Variants in GTF2F2 observed in about 807,000 individuals in gnomAD.
GTF2F2 encodes general transcription factor IIF subunit 2, also known as ATP-dependent helicase GTF2F2.
A neutral mutation model predicts 42.2 loss-of-function variants in GTF2F2; 23 were observed. The observed-to-expected ratio is 0.55, with a 90% CI of 0.39 to 0.77. The LOEUF is 0.77. Among genes scored for constraint, GTF2F2 ranks in the 30% least tolerant of loss-of-function variants. The probability of loss-of-function intolerance (pLI) is 0.00; values close to 1 mark genes in which losing one functional copy is unlikely to be tolerated. For missense variants in GTF2F2, 261 were observed against 287.2 expected (o/e 0.91, Z 0.66); for synonymous variants, 105 against 100.8 (o/e 1.04, Z -0.25).
At chr13:45,199,212 G>C (rs953874347) in intron 4 of GTF2F2, among the ~76,000 whole-genome samples, 4 of 152,186 alleles carry the variant, frequency 2.6e-5, no homozygotes, top group Non-Finnish European at 5.9e-5. Flanking sequence ...GTGTTGAACT[G>C]CGTCTTCAAG....
At chr13:45,235,892 A>G (rs572209783) in intron 5 of GTF2F2, among the ~76,000 whole-genome samples, 111 of 152,294 alleles carry the variant, frequency 7.3e-4, no homozygotes, top group African/African-American at 2.5e-3. Context: ...GGGATGAGCC[A>G]CCGCACATGG....
At chr13:45,124,935 C>T (rs372236675) in intron 1 of GTF2F2, among the ~76,000 whole-genome samples, 149 of 152,338 alleles carry the variant, frequency 9.8e-4, no homozygotes, top group African/African-American at 3.4e-3. Flanking sequence ...CCACCTTGGC[C>T]TCCCAAAGTG....
chr13:45,208,037 T>C (rs952997196), intron 5 of GTF2F2, among the ~76,000 whole-genome samples: 1 of 151,708 alleles, frequency 6.6e-6, no homozygotes, highest in Non-Finnish European at 1.5e-5. Context: ...GGTGTGAGGA[T>C]TGCTTGGGCC....
At chr13:45,272,876 C>T (rs1876858079) in intron 7 of GTF2F2, among the ~76,000 whole-genome samples, 1 of 150,962 alleles carries the variant, frequency 6.6e-6, no homozygotes, top group African/African-American at 2.4e-5. Flanking sequence ...CCACCTCAGC[C>T]TCTTGAGTAG....
At chr13:45,181,272 T>C (rs1872158327) in intron 4 of GTF2F2, among the ~76,000 whole-genome samples, 1 of 151,860 alleles carries the variant, frequency 6.6e-6, no homozygotes, top group Non-Finnish European at 1.5e-5. Context: ...CCTCTCTTCT[T>C]CTTCTTGCTG....
At chr13:45,276,486 G>A (rs1877041155) in intron 7 of GTF2F2, among the ~76,000 whole-genome samples, 1 of 151,588 alleles carries the variant, frequency 6.6e-6, no homozygotes, top group Non-Finnish European at 1.5e-5. Flanking sequence ...ACCCATCCTG[G>A]GGTGCAATGG....
chr13:45,213,388 G>A (rs1007560158), intron 5 of GTF2F2, among the ~76,000 whole-genome samples: 1 of 152,000 alleles, frequency 6.6e-6, no homozygotes, highest in African/African-American at 2.4e-5. Flanking sequence ...CTTCTACCTA[G>A]GATTTCTTAT....
At position 45,284,757 on chromosome 13, in the gene GTF2F2, ATATC is replaced by A. The variant is rs1339953028; in HGVS notation, c.*1201_*1204del. 1 of 152,232 alleles carries A rather than the reference ATATC, an allele frequency of 6.6e-6. No individual in the cohort carries two copies. Among genetic ancestry groups the A allele is most frequent in the Non-Finnish European group, 1.5e-5 (1 of 68,036 alleles). 9.4% of individuals were successfully genotyped at this position (152,232 alleles called of 1,614,324 possible). On this transcript the variant is annotated 3_prime_UTR_variant, in exon 8 of 8. Coordinates refer to ENST00000340473, the MANE Select transcript of GTF2F2 (RefSeq NM_004128.3). ...AATATTATATAATTAAAGCAAGAAG[ATATC>A]TATCCATTGAGAAAAACAATTTTTA... is the stretch of plus-strand genomic sequence containing the variant.
intron 6 of GTF2F2, among the ~76,000 whole-genome samples, chr13:45,259,751 G>A (rs945761465): frequency 3.5e-5 from 5 of 143,284 alleles, no homozygotes; most frequent in Admixed American, 1.5e-4. Context: ...TCCGCCTCCC[G>A]GATTCATGCC....
intron 1 of GTF2F2, among the ~76,000 whole-genome samples, chr13:45,125,016 C>G (rs907937063): frequency 6.6e-6 from 1 of 152,212 alleles, no homozygotes; most frequent in Non-Finnish European, 1.5e-5. Flanking sequence ...AGCGCTTGGA[C>G]ATTGGTGGCC....
chr13:45,184,487 C>A (rs924565762), intron 4 of GTF2F2, among the ~76,000 whole-genome samples: 2 of 151,002 alleles, frequency 1.3e-5, no homozygotes, highest in African/African-American at 4.9e-5. Context: ...CTCTTGGGCT[C>A]AAGCAATCTT....
chr13:45,149,939 T>C, intron 3 of GTF2F2, 151 bp downstream of exon 3: 1 of 588,844 alleles, frequency 1.7e-6, no homozygotes, highest in South Asian at 4.2e-5. Context: ...GCCACCCTTG[T>C]GTGAATGAAT....
At chr13:45,265,129 C>T (rs1190790546) in intron 6 of GTF2F2, among the ~76,000 whole-genome samples, 6 of 151,888 alleles carry the variant, frequency 4.0e-5, no homozygotes, top group Admixed American at 6.6e-5. Context: ...CATGGTGGTG[C>T]GCACCTGTAA....
At chr13:45,194,058 A>G in intron 4 of GTF2F2, 1 of 1,614,140 alleles carries the variant, frequency 6.2e-7, no homozygotes, top group Non-Finnish European at 8.5e-7. Context: ...GAACAATGCG[A>G]GACTTTATTT....
intron 5 of GTF2F2, among the ~76,000 whole-genome samples, chr13:45,241,638 G>A (rs1373035104): frequency 4.6e-5 from 7 of 152,182 alleles, no homozygotes; most frequent in Admixed American, 4.6e-4. Flanking sequence ...TCCTTTATTG[G>A]CTATTTCCTA....
At chr13:45,259,774 C>T (rs1453218482) in intron 6 of GTF2F2, among the ~76,000 whole-genome samples, 1 of 150,154 alleles carries the variant, frequency 6.7e-6, no homozygotes, top group Non-Finnish European at 1.5e-5. Context: ...TCTCCTGCCT[C>T]AGCCTCCCAA....
intron 5 of GTF2F2, among the ~76,000 whole-genome samples, chr13:45,241,159 C>T (rs1368681020): frequency 2.1e-5 from 3 of 142,126 alleles, no homozygotes; most frequent in African/African-American, 8.2e-5. Flanking sequence ...GAGACCTTGC[C>T]TTAAAAAAAA....
At chr13:45,226,657 G>C (rs1250586002) in intron 5 of GTF2F2, among the ~76,000 whole-genome samples, 1 of 151,550 alleles carries the variant, frequency 6.6e-6, no homozygotes, top group Admixed American at 6.6e-5. Context: ...TTTTTTCCCA[G>C]GTTCAAAAAT....
intron 4 of GTF2F2, among the ~76,000 whole-genome samples, chr13:45,162,583 A>G (rs1188957606): frequency 6.6e-6 from 1 of 152,238 alleles, no homozygotes; most frequent in Admixed American, 6.5e-5. Flanking sequence ...ACCTAATAGC[A>G]GAAAATGTTC....
Sources: gnomAD v4.1 joint callset for allele counts (sites outside exome capture counted in the v4.1 genomes callset) on GRCh38, gnomAD v4.1.1 for gene constraint, MANE v1.5 for transcripts, NCBI Gene and HGNC (gene_info 2026-07-23, HGNC 2026-07-21) for gene names.